SDK1: variants seen among roughly 807,000 people sequenced by gnomAD.
SDK1 encodes protein sidekick-1.
SDK1 carries 157 observed loss-of-function variants against 245.5 expected under a neutral mutation model. The observed-to-expected ratio is 0.64, with a 90% CI of 0.56 to 0.73. SDK1 has a LOEUF of 0.73. Ranked by LOEUF, SDK1 falls within the 30% of genes least tolerant of loss-of-function variation. The probability of loss-of-function intolerance (pLI) is 0.00; values close to 1 mark genes in which losing one functional copy is unlikely to be tolerated. For missense variants in SDK1, 3,583 were observed against 3,002.3 expected, an observed-to-expected ratio of 1.19 and a Z score of -4.52; for synonymous variants, 1,647 against 1,278.5, an observed-to-expected ratio of 1.29 and a Z score of -6.15.
At chr7:3,847,771 C>T (rs535260343) in intron 5 of SDK1, among the ~76,000 whole-genome samples, 29 of 152,214 alleles carry the variant, frequency 1.9e-4, no homozygotes, top group Non-Finnish European at 3.7e-4. Context: ...CATTTTAAAA[C>T]AAAACCATGA....
chr7:4,000,372 G>T (rs1346398247), intron 14 of SDK1, among the ~76,000 whole-genome samples: 2 of 152,164 alleles, frequency 1.3e-5, no homozygotes, highest in Non-Finnish European at 2.9e-5. Flanking sequence ...CTGAAGCACG[G>T]CTTGGTTTTG....
At chr7:3,504,780 G>GA (rs35690254) in intron 1 of SDK1, among the ~76,000 whole-genome samples, 35,460 of 144,036 alleles carry the variant, frequency 0.25, 5,814 homozygotes, top group African/African-American at 0.48. Context: ...ACAACAGAAG[G>GA]AAAAAAAAAA....
chr7:4,123,051 G>A (rs530049486), intron 25 of SDK1, among the ~76,000 whole-genome samples: 5 of 152,174 alleles, frequency 3.3e-5, no homozygotes, highest in Non-Finnish European at 7.3e-5. Flanking sequence ...TCTTTCTCCA[G>A]GGACGGGGTT....
intron 1 of SDK1, among the ~76,000 whole-genome samples, chr7:3,454,394 G>GTGTGTGTGTGTA (rs1184850980): frequency 8.9e-5 from 13 of 146,228 alleles, no homozygotes; most frequent in Admixed American, 4.7e-4. Flanking sequence ...AGATTTGTGT[G>GTGTGTGTGTGTA]TGTGTGTGTG....
intron 35 of SDK1, among the ~76,000 whole-genome samples, chr7:4,193,377 TA>T (rs1783351975): frequency 1.1e-4 from 6 of 55,508 alleles, no homozygotes; most frequent in African/African-American, 3.7e-4. Flanking sequence ...AATATTTATA[TA>T]TATATATATA....
At chr7:3,651,084 A>G (rs1782999708) in intron 4 of SDK1, among the ~76,000 whole-genome samples, 2 of 151,214 alleles carry the variant, frequency 1.3e-5, no homozygotes, top group Admixed American at 1.3e-4. Context: ...ACACATGCCC[A>G]GGAGTGGAAT....
At chr7:3,789,501 C>G (rs1781015399) in intron 4 of SDK1, among the ~76,000 whole-genome samples, 2 of 152,168 alleles carry the variant, frequency 1.3e-5, no homozygotes, top group South Asian at 4.1e-4. Context: ...AGCAACCCTT[C>G]TTAAAATTAG....
In SDK1 at chr7:3,951,940, G is replaced by T. The variant is rs182565756; in HGVS notation, c.1150+20G>T. On this transcript the variant is annotated intron_variant, in intron 7 of 44. Coordinates refer to ENST00000404826, the MANE Select transcript of SDK1 (RefSeq NM_152744.4). ...TCATAGGTAATGCGGGAGCCTCTAA[G>T]TGGTGTTGCCAGCATCTCAGATAGC... 1,333 of 1,604,186 alleles carry T rather than the reference G, an allele frequency of 8.3e-4. 18 individuals are homozygous for T. In the South Asian group the frequency reaches 1.0e-2, roughly 12 times the overall value.
chr7:3,652,715 A>T (rs1783048563), intron 4 of SDK1, among the ~76,000 whole-genome samples: 1 of 152,102 alleles, frequency 6.6e-6, no homozygotes, highest in Admixed American at 6.6e-5. Flanking sequence ...GTTTGTGGTG[A>T]TGGATATCTT....
intron 4 of SDK1, among the ~76,000 whole-genome samples, chr7:3,810,624 C>G (rs143765340): frequency 1.8e-3 from 272 of 152,266 alleles, no homozygotes; most frequent in African/African-American, 6.4e-3. Flanking sequence ...GGGCAAAAAT[C>G]CCTGATGAAA....
chr7:3,475,400 C>T (rs533247476), intron 1 of SDK1, among the ~76,000 whole-genome samples: 5 of 152,212 alleles, frequency 3.3e-5, no homozygotes, highest in African/African-American at 7.2e-5. Context: ...TGAGCCCCCT[C>T]GGGTGTGGGG....
At chr7:3,344,994 A>G (rs1185155465) in intron 1 of SDK1, among the ~76,000 whole-genome samples, 1 of 152,226 alleles carries the variant, frequency 6.6e-6, no homozygotes, top group Non-Finnish European at 1.5e-5. Context: ...AAATCTGAAT[A>G]GTACCCATCT....
intron 22 of SDK1, among the ~76,000 whole-genome samples, chr7:4,084,709 ATGTTATGTTATGTTATGTTATGT>A (rs1340563050): frequency 8.5e-4 from 116 of 136,048 alleles, no homozygotes; most frequent in Middle Eastern, 3.7e-3. Flanking sequence ...ATGTTATGTT[ATGTTATGTTATGTTATGTTATGT>A]TGTTACTTAA....
At chr7:3,559,489 T>A (rs959249846) in intron 1 of SDK1, among the ~76,000 whole-genome samples, 30 of 152,196 alleles carry the variant, frequency 2.0e-4, no homozygotes, top group African/African-American at 6.7e-4. Context: ...TTTTTTTAAG[T>A]GCCAGGATAC....
chr7:3,680,739 C>T (rs1784074452), intron 4 of SDK1, among the ~76,000 whole-genome samples: 1 of 152,170 alleles, frequency 6.6e-6, no homozygotes, highest in Non-Finnish European at 1.5e-5. Context: ...ATCTGAGAAT[C>T]CCTAGGTTTG....
At chr7:3,462,326 C>G (rs1359838952) in intron 1 of SDK1, among the ~76,000 whole-genome samples, 1 of 152,134 alleles carries the variant, frequency 6.6e-6, no homozygotes, top group African/African-American at 2.4e-5. Context: ...ATATCTTTCT[C>G]TCTTCCCCCC....
intron 4 of SDK1, among the ~76,000 whole-genome samples, chr7:3,716,931 G>A (rs1249290581): frequency 6.6e-6 from 1 of 151,962 alleles, no homozygotes; most frequent in Non-Finnish European, 1.5e-5. Context: ...TGGATAATAG[G>A]GGTAAATAAA....
chr7:3,320,286 T>C (rs553474154), intron 1 of SDK1, among the ~76,000 whole-genome samples: 1 of 140,242 alleles, frequency 7.1e-6, no homozygotes, highest in East Asian at 2.2e-4. Flanking sequence ...TTCTATTTTT[T>C]TCCCCCTATC....
At chr7:4,114,356 A>C in intron 25 of SDK1, 82 bp downstream of exon 25, 1 of 1,121,420 alleles carries the variant, frequency 8.9e-7, no homozygotes, top group Non-Finnish European at 1.3e-6. Flanking sequence ...ATCCCAGGCT[A>C]GTGGCGTCTC....
Sources: gnomAD v4.1 joint callset for allele counts (sites outside exome capture counted in the v4.1 genomes callset) on GRCh38, gnomAD v4.1.1 for gene constraint, MANE v1.5 for transcripts, NCBI Gene and HGNC (gene_info 2026-07-23, HGNC 2026-07-21) for gene names.